The following RNF38 variants were observed in gnomAD, a reference collection of about 807,000 sequenced individuals.
RNF38 encodes the protein ring finger protein 38, also known as E3 ubiquitin-protein ligase RNF38.
A neutral mutation model predicts 67.2 loss-of-function variants in RNF38; 15 were observed. The ratio of observed to expected loss-of-function variants is 0.22; its 90% CI spans 0.15 to 0.34. The LOEUF (loss-of-function observed/expected upper bound fraction) is 0.34. RNF38 is among the 10% of genes least tolerant of loss of function. The pLI is 1.00. For synonymous variants in RNF38, 220 were observed against 218.8 expected (o/e 1.01, Z -0.05); for missense variants, 524 against 639.9 (o/e 0.82, Z 1.95).
intron 9 of RNF38, among the ~76,000 whole-genome samples, chr9:36,348,773 G>A (rs1433458393): frequency 6.6e-6 from 1 of 152,222 alleles, no homozygotes; most frequent in Non-Finnish European, 1.5e-5. Flanking sequence ...AGGTGATGCT[G>A]GAAATGCTGA....
chr9:36,405,248 CAG>C (rs1235464419), upstream of RNF38, among the ~76,000 whole-genome samples: 3 of 148,854 alleles, frequency 2.0e-5, no homozygotes, highest in South Asian at 4.3e-4. Context: ...GCCTGGGCAA[CAG>C]AGAGAGACTC....
chr9:36,357,020 C>A (rs1357158596), intron 5 of RNF38, among the ~76,000 whole-genome samples: 1 of 152,174 alleles, frequency 6.6e-6, no homozygotes, highest in Non-Finnish European at 1.5e-5. Flanking sequence ...TAAGTGTGCA[C>A]TTGCTTTAAT....
Position 36,474,527 on chromosome 9 carries a change from TAC to T in RNF38, n.241+12779_241+12780del, listed in dbSNP as rs1375380178. 1.4e-5 allele frequency among the ~76,000 whole-genome samples: 2 copies of T among 147,936 alleles called. 1 individual carries two copies. Among genetic ancestry groups the T allele is most frequent in the Non-Finnish European group, 3.0e-5 (2 of 67,196 alleles). On this transcript the variant is annotated intron_variant and non_coding_transcript_variant, in intron 1 of 3. Coordinates refer to the RNF38 transcript ENST00000488058. ...TGCAGTAAAGCATGACGGCTAAAAA[TAC>T]AGATTCTGGAATTAGACTACCTGGG...
At chr9:36,374,117 T>C (rs536089596) in intron 3 of RNF38, among the ~76,000 whole-genome samples, 2 of 152,372 alleles carry the variant, frequency 1.3e-5, no homozygotes, top group South Asian at 2.1e-4. Context: ...TAAAATACTT[T>C]ATCTGCTAGC....
intron 9 of RNF38, among the ~76,000 whole-genome samples, chr9:36,346,653 A>G (rs1033674616): frequency 2.0e-5 from 3 of 151,602 alleles, no homozygotes; most frequent in African/African-American, 7.3e-5. Flanking sequence ...ATGACAGATG[A>G]GAGAAACAGA....
chr9:36,382,757 A>G (rs1371625271), intron 2 of RNF38, among the ~76,000 whole-genome samples: 1 of 152,192 alleles, frequency 6.6e-6, no homozygotes, highest in Non-Finnish European at 1.5e-5. Context: ...TCCTCTTTCT[A>G]ATCAGTCAGG....
At chr9:36,472,843 T>C (rs1248436607) in intron 1 of RNF38, among the ~76,000 whole-genome samples, 3 of 152,168 alleles carry the variant, frequency 2.0e-5, no homozygotes, top group East Asian at 1.9e-4. Context: ...CGGTGGCTCA[T>C]ATCTGTAATC....
intron 9 of RNF38, among the ~76,000 whole-genome samples, chr9:36,349,464 T>C (rs185511243): frequency 6.6e-6 from 1 of 152,242 alleles, no homozygotes; most frequent in Non-Finnish European, 1.5e-5. Context: ...CCATTTTTTT[T>C]AAATTGGGTT....
At chr9:36,418,630 A>G (rs1427888697) in intron 2 of RNF38, among the ~76,000 whole-genome samples, 1 of 152,116 alleles carries the variant, frequency 6.6e-6, no homozygotes, top group African/African-American at 2.4e-5. Context: ...TACTAAAAAT[A>G]CAAAAATTAG....
At chr9:36,366,844 G>A (rs952990070) in intron 4 of RNF38, among the ~76,000 whole-genome samples, 4 of 152,050 alleles carry the variant, frequency 2.6e-5, no homozygotes, top group African/African-American at 7.2e-5. Flanking sequence ...TTTATTGCTC[G>A]CTGTTCTTGA....
chr9:36,396,092 T>C (rs1467680715), intron 1 of RNF38, among the ~76,000 whole-genome samples: 4 of 152,244 alleles, frequency 2.6e-5, no homozygotes, highest in Non-Finnish European at 5.9e-5. Flanking sequence ...ATAAGCTCCA[T>C]GTCCTGTTCA....
At position 36,421,751 on chromosome 9, in the gene RNF38, T is replaced by C. The variant is rs773718280; in HGVS notation, n.312+2862A>G. Among the ~76,000 whole-genome samples the C allele has an allele frequency of 3.4e-4, 52 of 152,174 alleles. 1 individual carries two copies. Among genetic ancestry groups the C allele is most frequent in the Non-Finnish European group, 4.4e-5 (3 of 68,032 alleles). On this transcript the variant is annotated intron_variant and non_coding_transcript_variant, in intron 2 of 3. Coordinates refer to the RNF38 transcript ENST00000488058. ...ATCCCTTTAATTCTGAGTTAGACTA[T>C]GAAGAAGTGGGGAAGGGAGAGAGAG...
At chr9:36,411,420 T>C (rs1838322321) in intron 2 of RNF38, among the ~76,000 whole-genome samples, 1 of 152,154 alleles carries the variant, frequency 6.6e-6, no homozygotes, top group Non-Finnish European at 1.5e-5. Flanking sequence ...CTTCTGGGTA[T>C]ATACCAAAAA....
intron 2 of RNF38, among the ~76,000 whole-genome samples, chr9:36,381,329 CCA>C (rs1836195341): frequency 6.6e-6 from 1 of 152,074 alleles, no homozygotes; most frequent in African/African-American, 2.4e-5. Flanking sequence ...TACAGAGACC[CCA>C]GAGAAACTAG....
intron 1 of RNF38, among the ~76,000 whole-genome samples, chr9:36,482,578 C>G (rs1253564525): frequency 6.6e-6 from 1 of 151,894 alleles, no homozygotes; most frequent in African/African-American, 2.4e-5. Context: ...GTCTTGAACT[C>G]CTGACCTCAG....
At chr9:36,463,751 AGTCT>A (rs1264726363) in intron 1 of RNF38, among the ~76,000 whole-genome samples, 4 of 152,318 alleles carry the variant, frequency 2.6e-5, no homozygotes, top group East Asian at 3.9e-4. Flanking sequence ...CATGCTTTCC[AGTCT>A]GTCTATTTAA....
intron 2 of RNF38, among the ~76,000 whole-genome samples, chr9:36,376,982 A>C (rs1231491602): frequency 1.3e-5 from 2 of 151,980 alleles, no homozygotes; most frequent in African/African-American, 4.8e-5. Context: ...TGTTAGACAG[A>C]TAAAGAAATA....
At chr9:36,384,971 G>C (rs1032738893) in intron 2 of RNF38, among the ~76,000 whole-genome samples, 2 of 152,168 alleles carry the variant, frequency 1.3e-5, no homozygotes, top group African/African-American at 2.4e-5. Context: ...GCCATCAGAA[G>C]TTGACAATGA....
chr9:36,401,165 C>G (rs1838008495), upstream of RNF38: 8 of 985,006 alleles, frequency 8.1e-6, no homozygotes, highest in South Asian at 1.9e-4. Flanking sequence ...GCACCGCGCG[C>G]CGAACCCCCT....
Sources: allele counts gnomAD v4.1 joint callset (sites outside exome capture counted in the v4.1 genomes callset), GRCh38; gene constraint gnomAD v4.1.1; transcripts MANE v1.5; gene names NCBI Gene and HGNC (gene_info 2026-07-23, HGNC 2026-07-21).